PTPRD: variants seen among roughly 807,000 people sequenced by gnomAD.
PTPRD encodes the protein receptor-type tyrosine-protein phosphatase delta.
A neutral mutation model predicts 214.5 loss-of-function variants in PTPRD; 34 were observed. That is an observed-to-expected ratio of 0.16 (90% CI 0.12 to 0.21). The LOEUF is 0.21. Ranked by LOEUF, PTPRD falls within the 10% of genes least tolerant of loss-of-function variation. The probability of loss-of-function intolerance (pLI) is 1.00; values close to 1 mark genes in which losing one functional copy is unlikely to be tolerated. For missense variants in PTPRD, 2,545 were observed against 2,398.7 expected, an observed-to-expected ratio of 1.06 and a Z score of -1.27; for synonymous variants, 1,128 against 845.7, an observed-to-expected ratio of 1.33 and a Z score of -5.79.
intron 2 of PTPRD, among the ~76,000 whole-genome samples, chr9:10,351,870 T>C (rs1432943078): frequency 6.6e-6 from 1 of 152,032 alleles, no homozygotes; most frequent in Non-Finnish European, 1.5e-5. Context: ...TGAAAGGGGA[T>C]GGGTCACAAA....
chr9:9,354,046 T>A (rs944293494), intron 9 of PTPRD, among the ~76,000 whole-genome samples: 5 of 151,824 alleles, frequency 3.3e-5, no homozygotes, highest in African/African-American at 1.2e-4. Flanking sequence ...CTGAGCTCCT[T>A]GTCCCCACAT....
At chr9:8,929,691 GTATATATATATGTGTA>G (rs1181222777) in intron 11 of PTPRD, among the ~76,000 whole-genome samples, 27 of 106,976 alleles carry the variant, frequency 2.5e-4, no homozygotes, top group Non-Finnish European at 6.2e-4. Context: ...TTATATATGT[GTATATATATATGTGTA>G]TATATATATG....
chr9:8,550,484 T>C (rs1198215481), intron 14 of PTPRD, among the ~76,000 whole-genome samples: 1 of 152,230 alleles, frequency 6.6e-6, no homozygotes, highest in Non-Finnish European at 1.5e-5. Context: ...CCCTGAAATA[T>C]TTTAAGGCCA....
intron 11 of PTPRD, among the ~76,000 whole-genome samples, chr9:8,978,651 C>G (rs1017100511): frequency 6.6e-6 from 1 of 152,078 alleles, no homozygotes; most frequent in Non-Finnish European, 1.5e-5. Context: ...CCCACCACCC[C>G]ACTTCTCCAC....
intron 4 of PTPRD, among the ~76,000 whole-genome samples, chr9:10,017,768 A>G (rs1363849403): frequency 1.3e-5 from 2 of 152,044 alleles, no homozygotes. Context: ...TTTTCTTATT[A>G]TATTTATTTA....
chr9:8,935,986 G>C (rs1306961519), intron 11 of PTPRD: 1 of 152,138 alleles, frequency 6.6e-6, no homozygotes, highest in Non-Finnish European at 1.5e-5. Context: ...GTGGGGGCTA[G>C]GGTGCTCTTG....
intron 9 of PTPRD, among the ~76,000 whole-genome samples, chr9:9,320,019 A>G (rs967571345): frequency 2.6e-5 from 4 of 152,182 alleles, no homozygotes; most frequent in Non-Finnish European, 5.9e-5. Context: ...ATTAGCTAAG[A>G]AGTTCATCAC....
At chr9:9,480,312 T>C (rs1278052443) in intron 8 of PTPRD, among the ~76,000 whole-genome samples, 1 of 152,168 alleles carries the variant, frequency 6.6e-6, no homozygotes, top group Non-Finnish European at 1.5e-5. Flanking sequence ...GCTTGAGACA[T>C]TGCTCACAAG....
chr9:9,249,372 C>G (rs1264004247), intron 9 of PTPRD, among the ~76,000 whole-genome samples: 1 of 152,044 alleles, frequency 6.6e-6, no homozygotes, highest in Admixed American at 6.6e-5. Flanking sequence ...TTATAAATTA[C>G]CCAGCCTCAG....
At chr9:9,526,657 G>C (rs1292090379) in intron 8 of PTPRD, among the ~76,000 whole-genome samples, 1 of 152,102 alleles carries the variant, frequency 6.6e-6, no homozygotes, top group Non-Finnish European at 1.5e-5. Flanking sequence ...CTGATGATGG[G>C]ATCCTTATAT....
intron 9 of PTPRD, among the ~76,000 whole-genome samples, chr9:9,264,378 A>C (rs1301974252): frequency 1.3e-5 from 2 of 151,702 alleles, no homozygotes; most frequent in Non-Finnish European, 3.0e-5. Flanking sequence ...GAAGAATACC[A>C]GGATTGAAGT....
At chr9:8,910,870 C>T (rs2098741988) in intron 11 of PTPRD, among the ~76,000 whole-genome samples, 1 of 152,080 alleles carries the variant, frequency 6.6e-6, no homozygotes, top group Non-Finnish European at 1.5e-5. Context: ...AGGATAAAAA[C>T]ACTCAGAAAT....
rs77776591 is a variant in PTPRD, at chr9:9,821,341, G to A, written c.-367-54490C>T. Among the ~76,000 whole-genome samples, 1,236 of 152,196 alleles carry A rather than the reference G, an allele frequency of 8.1e-3. 18 individuals are homozygous for A. The highest frequency in any genetic ancestry group is 0.028 in the African/African-American group (1,168 of 41,516). ...ATGTCAAATGTAATTGAATTTTATG[G>A]CTTCTTGGGGTATGTGGTAGGGTGG... On this transcript the variant is annotated intron_variant, in intron 5 of 45. Transcript: ENST00000381196.
At chr9:9,416,773 G>A (rs376875375) in intron 8 of PTPRD, among the ~76,000 whole-genome samples, 2 of 152,098 alleles carry the variant, frequency 1.3e-5, no homozygotes, top group South Asian at 2.1e-4. Context: ...TACTTGGCCC[G>A]ATGACTTTTT....
At chr9:8,456,152 T>A (rs1342310008) in intron 33 of PTPRD, among the ~76,000 whole-genome samples, 1 of 152,200 alleles carries the variant, frequency 6.6e-6, no homozygotes, top group East Asian at 1.9e-4. Flanking sequence ...CCAGGCACTC[T>A]ACTAGGCAGT....
chr9:8,897,725 G>A (rs752507913), intron 11 of PTPRD, among the ~76,000 whole-genome samples: 13 of 152,180 alleles, frequency 8.5e-5, no homozygotes, highest in African/African-American at 2.4e-4. Flanking sequence ...TGGTAAAGAC[G>A]TTGGCAACCT....
intron 7 of PTPRD, among the ~76,000 whole-genome samples, chr9:9,605,822 G>T (rs562087806): frequency 6.6e-6 from 1 of 152,134 alleles, no homozygotes; most frequent in Admixed American, 6.6e-5. Flanking sequence ...TGGATTAGTT[G>T]TAAGAATGAT....
At chr9:9,649,018 G>C (rs764170679) in intron 7 of PTPRD, among the ~76,000 whole-genome samples, 5 of 152,120 alleles carry the variant, frequency 3.3e-5, no homozygotes, top group African/African-American at 4.8e-5. Context: ...AGGGGCCTTT[G>C]TGTTGAGGCC....
intron 4 of PTPRD, among the ~76,000 whole-genome samples, chr9:9,967,319 G>C (rs189996799): frequency 3.8e-4 from 58 of 152,244 alleles, no homozygotes; most frequent in African/African-American, 1.4e-3. Context: ...TGACAAATTT[G>C]TAGAAATAAA....
Sources: gnomAD v4.1 joint callset for allele counts (sites outside exome capture counted in the v4.1 genomes callset) on GRCh38, gnomAD v4.1.1 for gene constraint, MANE v1.5 for transcripts, NCBI Gene and HGNC (gene_info 2026-07-23, HGNC 2026-07-21) for gene names.